The following EFCAB6 variants were observed in gnomAD, a reference collection of about 807,000 sequenced individuals.
EFCAB6 encodes the protein EF-hand calcium binding domain 6.
In EFCAB6, 156 loss-of-function variants were observed where a neutral mutation model predicts 169.8. The ratio of observed to expected loss-of-function variants is 0.92; its 90% CI spans 0.81 to 1.05. The LOEUF (loss-of-function observed/expected upper bound fraction) is 1.05. Among genes scored for constraint, EFCAB6 ranks in the 50% least tolerant of loss-of-function variants. The pLI is 0.00. For synonymous variants in EFCAB6, 698 were observed against 676.4 expected, an observed-to-expected ratio of 1.03 and a Z score of -0.50; for missense variants, 1,800 against 1,829.1, an observed-to-expected ratio of 0.98 and a Z score of 0.29.
chr22:43,713,274 T>C (rs185051467), intron 9 of EFCAB6, among the ~76,000 whole-genome samples: 15 of 152,330 alleles, frequency 9.8e-5, no homozygotes, highest in Admixed American at 8.5e-4. Flanking sequence ...CACAAATAAT[T>C]ACCTAGAATG....
At chr22:43,603,509 G>C (rs1434327172) in intron 22 of EFCAB6, among the ~76,000 whole-genome samples, 1 of 152,260 alleles carries the variant, frequency 6.6e-6, no homozygotes. Flanking sequence ...CCCATTTATT[G>C]TGCACACAGC....
rs1295498753 is a variant in EFCAB6 at position 43,810,978 on chromosome 22, G to A, written c.-145+1190C>T. ...AAGACATGAACTGTAGTGTATGAAA[G>A]TAGAATTGATTTACAGCATTTCTGT... On this transcript the variant is annotated intron_variant, in intron 1 of 31. Transcript: ENST00000262726. Among the ~76,000 whole-genome samples the A allele has an allele frequency of 2.6e-5, 4 of 152,126 alleles. No homozygotes were observed. In the East Asian group the frequency reaches 7.7e-4, roughly 29 times the overall value.
At chr22:43,613,798 A>G (rs2053495093) in intron 21 of EFCAB6, among the ~76,000 whole-genome samples, 1 of 152,168 alleles carries the variant, frequency 6.6e-6, no homozygotes, top group African/African-American at 2.4e-5. Flanking sequence ...CATTTACATT[A>G]GCACCCCCCA....
intron 26 of EFCAB6, among the ~76,000 whole-genome samples, chr22:43,563,605 G>A (rs552971923): frequency 2.6e-5 from 4 of 152,242 alleles, no homozygotes; most frequent in South Asian, 2.1e-4. Context: ...CCACCTCAAC[G>A]GCAGGCCTGG....
intron 10 of EFCAB6, among the ~76,000 whole-genome samples, chr22:43,697,779 C>T (rs180924588): frequency 6.6e-4 from 101 of 152,188 alleles, no homozygotes; most frequent in Non-Finnish European, 1.2e-3. Flanking sequence ...TCTTTCCCAT[C>T]CTATGAATCC....
At chr22:43,782,863 A>C (rs1356406412) in intron 2 of EFCAB6, among the ~76,000 whole-genome samples, 1 of 152,228 alleles carries the variant, frequency 6.6e-6, no homozygotes, top group African/African-American at 2.4e-5. Context: ...TTATTCCCCC[A>C]AAATGGCTGA....
chr22:43,615,757 A>G, intron 21 of EFCAB6, 69 bp downstream of exon 21: 1 of 1,385,000 alleles, frequency 7.2e-7, no homozygotes, highest in Non-Finnish European at 1.0e-6. Context: ...GAACAGCTTC[A>G]TCATCCCAGT....
At chr22:43,700,839 T>C (rs1264197647) in intron 10 of EFCAB6, among the ~76,000 whole-genome samples, 1 of 152,236 alleles carries the variant, frequency 6.6e-6, no homozygotes, top group African/African-American at 2.4e-5. Flanking sequence ...ATTGCATATA[T>C]TTACCAGTTT....
intron 27 of EFCAB6, among the ~76,000 whole-genome samples, chr22:43,548,123 T>C (rs1381244436): frequency 6.6e-6 from 1 of 152,008 alleles, no homozygotes; most frequent in Non-Finnish European, 1.5e-5. Flanking sequence ...TAAAACGATA[T>C]AAAAGAGATG....
chr22:43,614,400 G>A (rs983389169), intron 21 of EFCAB6, among the ~76,000 whole-genome samples: 2 of 152,074 alleles, frequency 1.3e-5, no homozygotes, highest in African/African-American at 4.8e-5. Flanking sequence ...TCAATAAATG[G>A]TGCTGGAACA....
chr22:43,811,214 A>T (rs2063106125), intron 1 of EFCAB6, among the ~76,000 whole-genome samples: 1 of 146,058 alleles, frequency 6.8e-6, no homozygotes, highest in African/African-American at 2.5e-5. Flanking sequence ...CGGGAGGTGG[A>T]GGTTGCAGTG....
At chr22:43,709,046 C>T (rs2059061060) in intron 10 of EFCAB6, among the ~76,000 whole-genome samples, 1 of 152,156 alleles carries the variant, frequency 6.6e-6, no homozygotes, top group Non-Finnish European at 1.5e-5. Flanking sequence ...GATATCATCA[C>T]TCTGGCAAGT....
At chr22:43,555,323 T>C (rs2048640733) in intron 26 of EFCAB6, among the ~76,000 whole-genome samples, 1 of 152,102 alleles carries the variant, frequency 6.6e-6, no homozygotes, top group African/African-American at 2.4e-5. Context: ...GAGTTCCCCA[T>C]GGGGCAGAGC....
chr22:43,658,808 C>T (rs1170484902), intron 17 of EFCAB6, among the ~76,000 whole-genome samples: 1 of 152,122 alleles, frequency 6.6e-6, no homozygotes, highest in Non-Finnish European at 1.5e-5. Context: ...ACCTCCAATA[C>T]AAAGCTGGTC....
At chr22:43,748,693 G>T (rs1305401181) in intron 6 of EFCAB6, among the ~76,000 whole-genome samples, 2 of 152,176 alleles carry the variant, frequency 1.3e-5, no homozygotes. Flanking sequence ...GGACAGAAAA[G>T]GTGCCTGCTC....
At chr22:43,655,019 A>G (rs1203567416) in intron 17 of EFCAB6, among the ~76,000 whole-genome samples, 1 of 152,182 alleles carries the variant, frequency 6.6e-6, no homozygotes, top group Non-Finnish European at 1.5e-5. Context: ...GCACTTTGGG[A>G]GGCTGAGCCG....
Position 43,586,340 on chromosome 22 carries a change from A to ATTTTTTTTTTTTTTTTTTTTTTTTTTTT in EFCAB6, c.3032+3733_3032+3734insAAAAAAAAAAAAAAAAAAAAAAAAAAAA, listed in dbSNP as rs36058832. ...ACTGTAAACTCTTGAGCAACAACTGATTTTTTTTTTTTTTTTTTTTTTTTT... is the reference window on the plus strand; with the variant it reads ...ACTGTAAACTCTTGAGCAACAACTGATTTTTTTTTTTTTTTTTTTTTTTTTTTTTTTTTTTTTTTTTTTTTTTTTTTTT... On this transcript the variant is annotated intron_variant, in intron 24 of 31. Coordinates refer to ENST00000262726, the MANE Select transcript of EFCAB6 (RefSeq NM_022785.4). Among the ~76,000 whole-genome samples the ATTTTTTTTTTTTTTTTTTTTTTTTTTTT allele has an allele frequency of 1.5e-4, 11 of 72,924 alleles. 2 individuals are homozygous for ATTTTTTTTTTTTTTTTTTTTTTTTTTTT. Among genetic ancestry groups the ATTTTTTTTTTTTTTTTTTTTTTTTTTTT allele is most frequent in the African/African-American group, 5.8e-4 (9 of 15,432 alleles). The allele number at this position is 72,924 out of a possible 152,430, so 47.8% of individuals were successfully genotyped here. A position where few individuals can be genotyped will look rare whatever the true frequency, so the allele number is the denominator to read the frequency against.
intron 8 of EFCAB6, among the ~76,000 whole-genome samples, chr22:43,727,373 A>G (rs1207050472): frequency 6.6e-6 from 1 of 152,206 alleles, no homozygotes; most frequent in Non-Finnish European, 1.5e-5. Context: ...GGCTGCAGTG[A>G]GCTATGATTG....
At chr22:43,548,758 A>T (rs780281972) in intron 27 of EFCAB6, among the ~76,000 whole-genome samples, 21 of 152,020 alleles carry the variant, frequency 1.4e-4, no homozygotes, top group Non-Finnish European at 2.8e-4. Flanking sequence ...AAGAGACAAA[A>T]AGGACAACGA....
Sources: allele counts gnomAD v4.1 joint callset (sites outside exome capture counted in the v4.1 genomes callset), GRCh38; gene constraint gnomAD v4.1.1; transcripts MANE v1.5; gene names NCBI Gene and HGNC (gene_info 2026-07-23, HGNC 2026-07-21).